CHST10: variants seen among roughly 807,000 people sequenced by gnomAD.
CHST10 encodes carbohydrate sulfotransferase 10, also known as HNK-1 sulfotransferase.
CHST10 carries 24 observed loss-of-function variants against 34.7 expected under a neutral mutation model. That is an observed-to-expected ratio of 0.69 (90% confidence interval 0.50 to 0.97). The LOEUF (loss-of-function observed/expected upper bound fraction) is 0.97, where lower values mean the gene tolerates loss of function less well. Among genes scored for constraint, CHST10 ranks in the 50% least tolerant of loss-of-function variants. The pLI, the probability that CHST10 is intolerant of heterozygous loss-of-function variation, is 0.00. For missense variants in CHST10, 402 were observed against 452.1 expected (o/e 0.89, Z 1.00); for synonymous variants, 161 against 169.3 (o/e 0.95, Z 0.38).
In CHST10 at chr2:100,402,635, A is replaced by G. The variant is rs1218768016; in HGVS notation, c.121T>C (p.Phe41Leu). The stretch of plus-strand genomic sequence containing the variant: ...TCCGGCATGGTTGTCAGGAACAGAA[A>G]CTCCTGTTTGGCACTGTACACTGGA... ...DPDVYSAKQE[F>L]LFLTTMPEVR... The change falls in exon 4 of 7, where the codon TTT (phenylalanine) becomes CTT (leucine). Residue 41 changes from phenylalanine (F) to leucine (L), a missense_variant. Physicochemically the swap from Phe to Leu is conservative, Grantham distance 22 (BLOSUM62 0). Transcript: ENST00000264249. 6.2e-7 allele frequency: 1 copy of G among 1,613,852 alleles called. No homozygotes were observed. Among genetic ancestry groups the G allele is most frequent in the Non-Finnish European group, 8.5e-7 (1 of 1,179,860 alleles).
intron 3 of CHST10, among the ~76,000 whole-genome samples, chr2:100,402,859 T>G (rs1486291236): frequency 1.3e-5 from 2 of 152,168 alleles, no homozygotes; most frequent in African/African-American, 4.8e-5. Context: ...GAACAAACCT[T>G]GATCCAAACC....
At chr2:100,414,424 T>C (rs1458068887) in intron 2 of CHST10, among the ~76,000 whole-genome samples, 2 of 151,968 alleles carry the variant, frequency 1.3e-5, no homozygotes, top group African/African-American at 4.8e-5. Context: ...CCCAGGAGGA[T>C]GACAGGTGAG....
intron 4 of CHST10, among the ~76,000 whole-genome samples, chr2:100,399,745 T>A (rs541096773): frequency 6.6e-6 from 1 of 152,284 alleles, no homozygotes; most frequent in South Asian, 2.1e-4. Context: ...CTGGCCAGGA[T>A]GCTTTCTCCC....
chr2:100,394,761 T>C (rs1558633026), intron 6 of CHST10, among the ~76,000 whole-genome samples: 1 of 151,202 alleles, frequency 6.6e-6, no homozygotes, highest in Non-Finnish European at 1.5e-5. Flanking sequence ...TCTTGCTCTG[T>C]CGCCCCAGCT....
chr2:100,400,208 A>G (rs536130525), intron 4 of CHST10, among the ~76,000 whole-genome samples: 2 of 152,336 alleles, frequency 1.3e-5, no homozygotes, highest in East Asian at 3.9e-4. Context: ...AAGATATTAG[A>G]TATTGCTTTT....
In CHST10 at chr2:100,393,772, A is replaced by G; in HGVS notation, c.544T>C (p.Tyr182His). The change falls in exon 7 of 7, where the codon TAC becomes CAC. Residue 182 changes from tyrosine (Y) to histidine (H), a missense_variant. Coordinates refer to ENST00000264249, the MANE Select transcript of CHST10 (RefSeq NM_004854.5). ...TCTCTTACAATAAAAAACTTGAAGTATGTTTTCAATCTAAGGAAAAAAACG... is the reference window on the plus strand; with the variant it reads ...TCTCTTACAATAAAAAACTTGAAGTGTGTTTTCAATCTAAGGAAAAAAACG... ...DAEIQKRLKT[Y>H]FKFFIVRDPF... 6.2e-7 allele frequency: 1 copy of G among 1,606,320 alleles called. No individual in the cohort carries two copies. Among genetic ancestry groups the G allele is most frequent in the Non-Finnish European group, 8.5e-7 (1 of 1,178,180 alleles).
At chr2:100,402,811 C>T (rs1218890858) in intron 3 of CHST10, among the ~76,000 whole-genome samples, 156 bp from the exon 4 acceptor site, 1 of 152,314 alleles carries the variant, frequency 6.6e-6, no homozygotes, top group Non-Finnish European at 1.5e-5. Context: ...GCAGTCTGTC[C>T]AACAAATGGT....
At chr2:100,413,487 A>T (rs1459196725) in intron 2 of CHST10, among the ~76,000 whole-genome samples, 1 of 152,206 alleles carries the variant, frequency 6.6e-6, no homozygotes, top group African/African-American at 2.4e-5. Context: ...TGAAGAACTT[A>T]AGGCCTTATG....
At position 100,393,377 on chromosome 2, in the gene CHST10, G is replaced by A. The variant is rs569364541; in HGVS notation, c.939C>T (p.Thr313=). 132 of 1,614,140 alleles carry A rather than the reference G, an allele frequency of 8.2e-5. No individual in the cohort carries two copies. Among genetic ancestry groups the A allele is most frequent in the Admixed American group, 3.0e-4 (18 of 60,018 alleles). ...GCTCCACCTTGGTTCTGTTATACAC[G>A]GTAATGCCCGGAGGGATAGTCGGGT... ...VSYPTIPPGI[T]VYNRTKVEHY... The change falls in exon 7 of 7, where the codon ACC becomes ACT. Residue 313 remains threonine, a synonymous_variant. Transcript: ENST00000264249.
chr2:100,399,926 C>T (rs1419698946), intron 4 of CHST10, among the ~76,000 whole-genome samples: 1 of 152,206 alleles, frequency 6.6e-6, no homozygotes, highest in East Asian at 1.9e-4. Flanking sequence ...GCCCTCCACC[C>T]ACCATGGAAA....
At chr2:100,401,606 T>C (rs1326835232) in intron 4 of CHST10, among the ~76,000 whole-genome samples, 2 of 152,202 alleles carry the variant, frequency 1.3e-5, no homozygotes, top group Non-Finnish European at 2.9e-5. Flanking sequence ...TCCCATAAGA[T>C]TTTTTGGTTT....
At position 100,393,597 on chromosome 2, in the gene CHST10, A is replaced by C. The variant is rs1475626339; in HGVS notation, c.719T>G (p.Phe240Cys). Residue 240 changes from phenylalanine to cysteine, a missense_variant, in exon 7 of 7, where the codon TTC becomes TGC. Transcript: ENST00000264249. The stretch of plus-strand genomic sequence containing the variant: ...GTTCGGATCGCCGAGGTAGCGCACG[A>C]AATCTTCAAACTGGATCCCCCGGGT... ...TETRGIQFED[F>C]VRYLGDPNHR... The C allele has an allele frequency of 6.2e-7, 1 of 1,614,164 alleles. No individual in the cohort carries two copies. Among genetic ancestry groups the C allele is most frequent in the East Asian group, 2.2e-5 (1 of 44,876 alleles).
intron 2 of CHST10, among the ~76,000 whole-genome samples, chr2:100,410,878 T>C (rs959364895): frequency 2.6e-5 from 4 of 152,120 alleles, no homozygotes; most frequent in African/African-American, 9.7e-5. Context: ...GCCAATGACA[T>C]AGATCCATAT....
intron 2 of CHST10, among the ~76,000 whole-genome samples, chr2:100,407,287 G>C (rs940154573): frequency 6.6e-6 from 1 of 152,216 alleles, no homozygotes; most frequent in African/African-American, 2.4e-5. Context: ...AGAACACTGA[G>C]GTGGGTGTTT....
chr2:100,398,801 T>C (rs1394749579), intron 4 of CHST10, among the ~76,000 whole-genome samples: 2 of 152,210 alleles, frequency 1.3e-5, no homozygotes, highest in African/African-American at 2.4e-5. Context: ...TACATGCTGG[T>C]CCATTCTTTT....
chr2:100,415,144 ATT>A, intron 1 of CHST10, 33 bp from the exon 2 acceptor site: 2 of 1,219,020 alleles, frequency 1.6e-6, no homozygotes, highest in Non-Finnish European at 1.1e-6. Flanking sequence ...AAAAAGCATT[ATT>A]AAAAGTTACA....
chr2:100,393,788 GAA>G lies in CHST10; in HGVS notation c.534-8_534-7del. 6.3e-7 allele frequency: 1 copy of G among 1,596,930 alleles called. No homozygotes were observed. Among genetic ancestry groups the G allele is most frequent in the Non-Finnish European group, 8.5e-7 (1 of 1,175,910 alleles). ...ACTTGAAGTATGTTTTCAATCTAAGGAAAAAAACGAACAAGAGGTTAACTTGA... is the reference window on the plus strand; with the variant it reads ...ACTTGAAGTATGTTTTCAATCTAAGGAAAAACGAACAAGAGGTTAACTTGA... On this transcript the variant is annotated splice_polypyrimidine_tract_variant and splice_region_variant and intron_variant, in intron 6 of 6. Coordinates refer to ENST00000264249, the MANE Select transcript of CHST10 (RefSeq NM_004854.5).
intron 2 of CHST10, among the ~76,000 whole-genome samples, chr2:100,414,643 C>G (rs372760691): frequency 6.6e-6 from 1 of 152,188 alleles, no homozygotes; most frequent in African/African-American, 2.4e-5. Flanking sequence ...TCTCAATCTG[C>G]GTACAGAAAT....
intron 6 of CHST10, among the ~76,000 whole-genome samples, chr2:100,394,593 G>A (rs1674964475): frequency 6.6e-6 from 1 of 152,208 alleles, no homozygotes; most frequent in African/African-American, 2.4e-5. Flanking sequence ...AGACCCAGGA[G>A]GCAAAATCCA....
Sources: gnomAD v4.1 joint callset for allele counts (sites outside exome capture counted in the v4.1 genomes callset) on GRCh38, gnomAD v4.1.1 for gene constraint, MANE v1.5 for transcripts, NCBI Gene and HGNC (gene_info 2026-07-23, HGNC 2026-07-21) for gene names.